ERC2: variants seen among roughly 807,000 people sequenced by gnomAD.
The protein encoded by ERC2 is ERC protein 2.
ERC2 carries 42 observed loss-of-function variants against 114.8 expected under a neutral mutation model. That is an observed-to-expected ratio of 0.37 (90% confidence interval 0.29 to 0.47). ERC2 has a LOEUF of 0.47. Among genes scored for constraint, ERC2 ranks in the 20% least tolerant of loss-of-function variants. The pLI is 0.99. For missense variants in ERC2, 939 were observed against 1,150.7 expected (o/e 0.82, Z 2.66); for synonymous variants, 454 against 425.5 (o/e 1.07, Z -0.82).
intron 2 of ERC2, among the ~76,000 whole-genome samples, chr3:56,337,320 G>A (rs1358298544): frequency 6.6e-6 from 1 of 152,176 alleles, no homozygotes; most frequent in Non-Finnish European, 1.5e-5. Context: ...TGATTACCAG[G>A]TAAAACCCTG....
chr3:56,179,530 T>G (rs1489343326), intron 3 of ERC2, among the ~76,000 whole-genome samples: 1 of 152,014 alleles, frequency 6.6e-6, no homozygotes, highest in Non-Finnish European at 1.5e-5. Context: ...CTGGAATAAC[T>G]CTTGCAAGGC....
At chr3:55,713,575 C>T (rs544523976) in intron 15 of ERC2, among the ~76,000 whole-genome samples, 2 of 152,176 alleles carry the variant, frequency 1.3e-5, no homozygotes, top group Admixed American at 6.5e-5. Context: ...AGTTTCATCT[C>T]GCTGAGATGT....
In ERC2 at chr3:56,199,252, T is replaced by G. The variant is rs948412572; in HGVS notation, c.1075-25732A>C. ...CTGAGAATACAAGATTAGAGAAGCC[T>G]TCTCTTAACAGGTGACATTTAAATG... On this transcript the variant is annotated intron_variant, in intron 3 of 17. Transcript: ENST00000288221. 3.9e-5 allele frequency among the ~76,000 whole-genome samples: 6 copies of G among 152,058 alleles called. 1 individual carries two copies. The highest frequency in any genetic ancestry group is 1.4e-4 in the African/African-American group (6 of 41,414).
Position 56,296,005 on chromosome 3 carries a change from G to GTGAATGC in ERC2, c.1074+7_1074+13dup. 1 of 1,544,274 alleles carries GTGAATGC rather than the reference G, an allele frequency of 6.5e-7. No individual in the cohort carries two copies. The highest frequency in any genetic ancestry group is 1.4e-5 in the African/African-American group (1 of 72,242). On this transcript the variant is annotated intron_variant, in intron 3 of 17. Coordinates refer to ENST00000288221, the MANE Select transcript of ERC2 (RefSeq NM_015576.3). ...TAAATTAAGGCTTTGGGGAAATACA[G>GTGAATGC]TGAATGCTCTTACCTCTCTAAGATG...
chr3:55,928,256 A>G (rs935841941), intron 13 of ERC2, among the ~76,000 whole-genome samples: 8 of 152,106 alleles, frequency 5.3e-5, no homozygotes, highest in Admixed American at 3.3e-4. Context: ...CTTTTCTCAC[A>G]TCCTTCCCAG....
At chr3:56,052,958 T>C (rs933871727) in intron 7 of ERC2, among the ~76,000 whole-genome samples, 1 of 151,898 alleles carries the variant, frequency 6.6e-6, no homozygotes, top group African/African-American at 2.4e-5. Context: ...GGACTGACAG[T>C]GTGAAGAAAG....
At chr3:55,625,416 A>T (rs2059480400) in intron 17 of ERC2, among the ~76,000 whole-genome samples, 2 of 139,936 alleles carry the variant, frequency 1.4e-5, no homozygotes, top group South Asian at 2.2e-4. Context: ...TAGCTAAGTT[A>T]AAAAAAAAAA....
intron 14 of ERC2, among the ~76,000 whole-genome samples, chr3:55,803,897 A>T (rs755648316): frequency 2.0e-5 from 3 of 152,122 alleles, no homozygotes; most frequent in Non-Finnish European, 2.9e-5. Flanking sequence ...CCCACTTTCC[A>T]TGCCTGCCAT....
Position 55,604,185 on chromosome 3 carries a change from C to T in ERC2, c.*39+79609G>A, listed in dbSNP as rs573562740. 1.8e-4 allele frequency among the ~76,000 whole-genome samples: 27 copies of T among 152,070 alleles called. No individual in the cohort carries two copies. The East Asian group carries it at 2.5e-3, about 14-fold the overall frequency. ...CAGAATCTCTTCTTTCATTTGTCCA[C>T]GATTTTTGAGGGCCAGATCTGTGTG... is the stretch of plus-strand genomic sequence containing the variant. On this transcript the variant is annotated intron_variant, in intron 17 of 17. Coordinates refer to ENST00000288221, the MANE Select transcript of ERC2 (RefSeq NM_015576.3).
intron 1 of ERC2, among the ~76,000 whole-genome samples, chr3:56,467,641 C>T (rs1171518433): frequency 1.3e-5 from 2 of 152,008 alleles, no homozygotes; most frequent in African/African-American, 4.8e-5. Context: ...GGATGCCGTT[C>T]AGTTCAATTT....
rs562140672 is a variant in ERC2, at chr3:56,218,649, T to C, written c.1075-45129A>G. Among the ~76,000 whole-genome samples, 267 of 152,250 alleles carry C rather than the reference T, an allele frequency of 1.8e-3. 1 individual carries two copies. The highest frequency in any genetic ancestry group is 6.2e-3 in the African/African-American group (257 of 41,542). On this transcript the variant is annotated intron_variant, in intron 3 of 17. Transcript: ENST00000288221. ...GCCATCCCATTACTGGGTATATACC[T>C]AAAGGATTATAAATCATGCTGCTAT...
intron 3 of ERC2, among the ~76,000 whole-genome samples, chr3:56,230,423 G>GT (rs1182456716): frequency 2.0e-5 from 3 of 152,150 alleles, no homozygotes; most frequent in Admixed American, 6.5e-5. Flanking sequence ...TAAATTGGGG[G>GT]TTTTTTGTTT....
At chr3:56,381,632 A>G (rs73075832) in intron 2 of ERC2, among the ~76,000 whole-genome samples, 5,047 of 152,118 alleles carry the variant, frequency 0.033, 181 homozygotes, top group African/African-American at 0.081. Flanking sequence ...TTAAGGAGAA[A>G]GACCAAAAGG....
chr3:55,932,643 C>T (rs1184880762), intron 13 of ERC2, among the ~76,000 whole-genome samples: 1 of 152,118 alleles, frequency 6.6e-6, no homozygotes, highest in African/African-American at 2.4e-5. Context: ...TTTCTGGTAC[C>T]CCTTAAAATA....
At chr3:55,789,204 C>G (rs1015530337) in intron 14 of ERC2, among the ~76,000 whole-genome samples, 1 of 152,176 alleles carries the variant, frequency 6.6e-6, no homozygotes, top group Non-Finnish European at 1.5e-5. Flanking sequence ...AATGCATGAT[C>G]CACTGTGACT....
intron 6 of ERC2, among the ~76,000 whole-genome samples, chr3:56,133,741 A>G (rs1044202132): frequency 6.6e-6 from 1 of 152,234 alleles, no homozygotes; most frequent in Non-Finnish European, 1.5e-5. Context: ...AACTCAGTGT[A>G]GCAGCCATAA....
At position 55,933,419 on chromosome 3, in the gene ERC2, A is replaced by G. The variant is rs867013696; in HGVS notation, c.2403+17006T>C. Reference sequence around the variant, plus strand: ...AGCAACAATAAAGATAGCAAACACAATTCTTCAGCCATGAGAAGAAAGAAT... The same window carrying G: ...AGCAACAATAAAGATAGCAAACACAGTTCTTCAGCCATGAGAAGAAAGAAT... On this transcript the variant is annotated intron_variant, in intron 13 of 17. Transcript: ENST00000288221. 7.9e-5 allele frequency among the ~76,000 whole-genome samples: 12 copies of G among 152,212 alleles called. No individual in the cohort carries two copies. The South Asian group carries it at 1.4e-3, about 18-fold the overall frequency.
intron 17 of ERC2, among the ~76,000 whole-genome samples, chr3:55,523,449 A>T (rs1428947473): frequency 6.6e-6 from 1 of 152,094 alleles, no homozygotes; most frequent in Non-Finnish European, 1.5e-5. Context: ...ATCATCCTTT[A>T]TCTGGCTACC....
At chr3:55,957,053 A>G (rs1261174582) in intron 12 of ERC2, among the ~76,000 whole-genome samples, 1 of 152,192 alleles carries the variant, frequency 6.6e-6, no homozygotes, top group Non-Finnish European at 1.5e-5. Context: ...AGGACACACC[A>G]AGAACATGAT....
Sources: gnomAD v4.1 joint callset for allele counts (sites outside exome capture counted in the v4.1 genomes callset) on GRCh38, gnomAD v4.1.1 for gene constraint, MANE v1.5 for transcripts, NCBI Gene and HGNC (gene_info 2026-07-23, HGNC 2026-07-21) for gene names.